SUPT3H: variants seen among roughly 807,000 people sequenced by gnomAD.
The protein encoded by SUPT3H is SPT3 homolog, SAGA and STAGA complex component.
Under a neutral mutation model 44.3 loss-of-function variants are expected in SUPT3H, and 44 were observed. That is an observed-to-expected ratio of 0.99 (90% CI 0.78 to 1.28). The LOEUF is 1.28. Among genes scored for constraint, SUPT3H ranks in the 50% most tolerant of loss-of-function variants. The pLI is 0.00. For missense variants in SUPT3H, 380 were observed against 387.1 expected (o/e 0.98, Z 0.15); for synonymous variants, 124 against 125.6 (o/e 0.99, Z 0.09).
intron 3 of SUPT3H, among the ~76,000 whole-genome samples, chr6:45,065,206 G>A (rs1261250862): frequency 3.0e-4 from 45 of 151,470 alleles, no homozygotes; most frequent in Admixed American, 3.0e-3. Context: ...GCTCCTGAAT[G>A]ACTACTGGGT....
chr6:44,944,490 A>G (rs1274682393), intron 9 of SUPT3H, among the ~76,000 whole-genome samples: 1 of 151,954 alleles, frequency 6.6e-6, no homozygotes, highest in African/African-American at 2.4e-5. Context: ...GGGAGGGCAC[A>G]GCAGCTCATG....
chr6:45,337,280 TGTC>T (rs577929475), intron 2 of SUPT3H, among the ~76,000 whole-genome samples: 76 of 151,904 alleles, frequency 5.0e-4, no homozygotes, highest in African/African-American at 1.8e-3. Context: ...ACCATAAGAC[TGTC>T]ATTTATTCTA....
intron 10 of SUPT3H, among the ~76,000 whole-genome samples, chr6:44,905,542 AG>A (rs1292710420): frequency 4.0e-5 from 6 of 151,742 alleles, no homozygotes; most frequent in African/African-American, 1.5e-4. Flanking sequence ...GAGGATGTGG[AG>A]AAACAGGAAC....
chr6:45,286,231 C>G (rs1323429010), intron 2 of SUPT3H, among the ~76,000 whole-genome samples: 1 of 151,922 alleles, frequency 6.6e-6, no homozygotes, highest in African/African-American at 2.4e-5. Flanking sequence ...GCAACAGAAG[C>G]CAAAATTGAG....
intron 3 of SUPT3H, chr6:45,098,538 T>A: frequency 7.2e-6 from 2 of 276,004 alleles, no homozygotes; most frequent in Non-Finnish European, 7.2e-6. Context: ...GAAAGGAGAG[T>A]ATAAGAGAGG....
intron 2 of SUPT3H, among the ~76,000 whole-genome samples, chr6:45,136,781 C>T (rs961496033): frequency 1.3e-5 from 2 of 151,790 alleles, no homozygotes; most frequent in African/African-American, 4.8e-5. Context: ...AATGACATAC[C>T]CTCACAGAAC....
intron 10 of SUPT3H, among the ~76,000 whole-genome samples, chr6:44,901,909 T>C (rs1765133632): frequency 6.6e-6 from 1 of 152,218 alleles, no homozygotes; most frequent in Non-Finnish European, 1.5e-5. Flanking sequence ...CAGAATTTCA[T>C]ATCCAGCCAA....
chr6:45,303,671 T>TAA (rs36119324), intron 2 of SUPT3H, among the ~76,000 whole-genome samples: 2,044 of 112,936 alleles, frequency 0.018, 57 homozygotes, highest in African/African-American at 0.052. Flanking sequence ...ATTCTAGAAG[T>TAA]AAAAAAAAAA....
intron 10 of SUPT3H, among the ~76,000 whole-genome samples, chr6:44,918,191 C>G (rs1373254783): frequency 6.6e-6 from 1 of 152,126 alleles, no homozygotes; most frequent in Non-Finnish European, 1.5e-5. Flanking sequence ...TGCTAAGCCA[C>G]CTGGTTTTCT....
At chr6:44,910,994 C>CAAAA (rs34384511) in intron 10 of SUPT3H, among the ~76,000 whole-genome samples, 5 of 62,694 alleles carry the variant, frequency 8.0e-5, no homozygotes, top group African/African-American at 1.4e-4. Flanking sequence ...GACTCCATCT[C>CAAAA]AAAAAAAAAA....
chr6:45,005,826 T>C (rs1583011480), intron 5 of SUPT3H, among the ~76,000 whole-genome samples: 1 of 152,328 alleles, frequency 6.6e-6, no homozygotes, highest in East Asian at 1.9e-4. Context: ...ATATCTATTC[T>C]TATTTAAATT....
chr6:45,354,933 TTGGAAAGAAAC>T (rs1401918439), intron 2 of SUPT3H, among the ~76,000 whole-genome samples: 2 of 152,144 alleles, frequency 1.3e-5, no homozygotes, highest in African/African-American at 4.8e-5. Flanking sequence ...TTTGTATGCA[TTGGAAAGAAAC>T]TGGAAAGATA....
intron 2 of SUPT3H, among the ~76,000 whole-genome samples, chr6:45,287,899 G>A (rs745769857): frequency 1.3e-5 from 2 of 152,054 alleles, no homozygotes; most frequent in African/African-American, 4.8e-5. Context: ...TTAGTTCTTC[G>A]TGTTATTTTG....
intron 2 of SUPT3H, among the ~76,000 whole-genome samples, chr6:45,228,353 G>T (rs758226475): frequency 9.9e-5 from 15 of 152,108 alleles, no homozygotes; most frequent in Non-Finnish European, 1.8e-4. Flanking sequence ...GGCCTTAATA[G>T]AGCAAAAGGC....
At chr6:45,027,914 C>T (rs1445995066) in intron 3 of SUPT3H, among the ~76,000 whole-genome samples, 1 of 151,948 alleles carries the variant, frequency 6.6e-6, no homozygotes, top group Non-Finnish European at 1.5e-5. Flanking sequence ...ATTATGATTC[C>T]TAAGCCTTTG....
At chr6:45,101,323 G>A (rs1488279064) in intron 3 of SUPT3H, among the ~76,000 whole-genome samples, 1 of 152,220 alleles carries the variant, frequency 6.6e-6, no homozygotes, top group Non-Finnish European at 1.5e-5. Flanking sequence ...TACTTGGGAG[G>A]CTGAGGCAGC....
At chr6:44,836,887 T>C (rs549569742) in intron 10 of SUPT3H, among the ~76,000 whole-genome samples, 2 of 152,352 alleles carry the variant, frequency 1.3e-5, no homozygotes, top group East Asian at 1.9e-4. Context: ...CTTTGTTTAA[T>C]AGTAACTTAA....
At chr6:45,253,369 T>C (rs967961241) in intron 2 of SUPT3H, among the ~76,000 whole-genome samples, 1 of 152,130 alleles carries the variant, frequency 6.6e-6, no homozygotes, top group African/African-American at 2.4e-5. Flanking sequence ...CTGATAACTA[T>C]CTAATTATCA....
chr6:45,131,883 G>A (rs1035013288), intron 2 of SUPT3H, among the ~76,000 whole-genome samples: 3 of 152,082 alleles, frequency 2.0e-5, no homozygotes, highest in Admixed American at 6.6e-5. Context: ...TCATTCATGG[G>A]AAATACGTTT....
Sources: allele counts gnomAD v4.1 joint callset (sites outside exome capture counted in the v4.1 genomes callset), GRCh38; gene constraint gnomAD v4.1.1; transcripts MANE v1.5; gene names NCBI Gene and HGNC (gene_info 2026-07-23, HGNC 2026-07-21).